Variants in TRPM7 observed in about 807,000 individuals in gnomAD.
The protein encoded by TRPM7 is LTRPC ion channel family member 7.
A neutral mutation model predicts 229.7 loss-of-function variants in TRPM7; 134 were observed. The observed-to-expected ratio is 0.58, with a 90% confidence interval of 0.51 to 0.67. The LOEUF is 0.67. Ranked by LOEUF, TRPM7 falls within the 30% of genes least tolerant of loss-of-function variation. The pLI, the probability that TRPM7 is intolerant of heterozygous loss-of-function variation, is 0.00. For missense variants in TRPM7, 1,901 were observed against 2,210.0 expected (o/e 0.86, Z 2.80); for synonymous variants, 699 against 715.2 (o/e 0.98, Z 0.36).
intron 26 of TRPM7, among the ~76,000 whole-genome samples, chr15:50,591,641 C>T (rs602908): frequency 0.075 from 11,436 of 152,116 alleles, 558 homozygotes; most frequent in South Asian, 0.12. Flanking sequence ...GGACTTCAGG[C>T]ACATGCCACT....
Position 50,645,077 on chromosome 15 carries a change from A to G in TRPM7, c.322-1524T>C, listed in dbSNP as rs373826116. 2.1e-4 allele frequency among the ~76,000 whole-genome samples: 32 copies of G among 151,734 alleles called. No homozygotes were observed. The Middle Eastern group carries it at 0.01, about 48-fold the overall frequency. ...GCACCCTGCGTAGCTAATTTTTTAAATATTTTTTGTAGACACAAGGTTTCA... is the reference window on the plus strand; with the variant it reads ...GCACCCTGCGTAGCTAATTTTTTAAGTATTTTTTGTAGACACAAGGTTTCA... On this transcript the variant is annotated intron_variant, in intron 4 of 38. Coordinates refer to ENST00000646667, the MANE Select transcript of TRPM7 (RefSeq NM_017672.6).
intron 1 of TRPM7, among the ~76,000 whole-genome samples, chr15:50,684,462 G>A (rs1034099369): frequency 7.2e-5 from 11 of 151,890 alleles, no homozygotes; most frequent in African/African-American, 2.4e-4. Context: ...CCAATATGAC[G>A]AAACCCCATC....
chr15:50,580,646 G>A (rs903490239), intron 30 of TRPM7, among the ~76,000 whole-genome samples: 8 of 152,256 alleles, frequency 5.3e-5, no homozygotes, highest in African/African-American at 1.9e-4. Context: ...GACCTTAGTA[G>A]AGTTGTAATT....
At position 50,619,796 on chromosome 15, in the gene TRPM7, T is replaced by C; in HGVS notation, c.1443A>G (p.Lys481=). Residue 481 remains lysine, a splice_region_variant and synonymous_variant, in exon 13 of 39, where the codon AAA becomes AAG. Coordinates refer to ENST00000646667, the MANE Select transcript of TRPM7 (RefSeq NM_017672.6). ...ACAGCATTGGATTAGTTGGACCTTGTTTCTTTAGGGAGAAAAAGTTACAGC... is the reference window on the plus strand; with the variant it reads ...ACAGCATTGGATTAGTTGGACCTTGCTTCTTTAGGGAGAAAAAGTTACAGC... The part of the protein sequence containing the change: ...IPRLEELYNT[K]QGPTNPMLFH... 1.2e-6 allele frequency: 2 copies of C among 1,602,530 alleles called. No homozygotes were observed. Among genetic ancestry groups the C allele is most frequent in the Non-Finnish European group, 8.5e-7 (1 of 1,176,780 alleles).
At chr15:50,679,098 T>C (rs1304870561) in intron 1 of TRPM7, among the ~76,000 whole-genome samples, 1 of 150,340 alleles carries the variant, frequency 6.7e-6, no homozygotes, top group Non-Finnish European at 1.5e-5. Context: ...GGTCTCGATC[T>C]CTTGACCTGG....
intron 1 of TRPM7, among the ~76,000 whole-genome samples, chr15:50,665,522 T>C (rs2061857376): frequency 6.6e-6 from 1 of 152,134 alleles, no homozygotes; most frequent in Non-Finnish European, 1.5e-5. Context: ...ATAAAAATTT[T>C]AAACCACCAA....
chr15:50,682,860 A>G (rs2062272306), intron 1 of TRPM7, among the ~76,000 whole-genome samples: 1 of 151,670 alleles, frequency 6.6e-6, no homozygotes, highest in African/African-American at 2.4e-5. Context: ...TATGTCCTAA[A>G]CTAACCTCAA....
intron 1 of TRPM7, among the ~76,000 whole-genome samples, chr15:50,665,535 T>C (rs1197555720): frequency 6.6e-6 from 1 of 152,048 alleles, no homozygotes; most frequent in African/African-American, 2.4e-5. Flanking sequence ...ACCACCAACA[T>C]TCAACACTTT....
intron 29 of TRPM7, among the ~76,000 whole-genome samples, chr15:50,581,896 T>C (rs1352145473): frequency 6.6e-6 from 1 of 152,194 alleles, no homozygotes; most frequent in Non-Finnish European, 1.5e-5. Flanking sequence ...TTTACTTTAA[T>C]CTGTTGCATT....
intron 25 of TRPM7, 103 bp from the exon 26 acceptor site, chr15:50,592,729 G>A (rs2059537775): frequency 5.3e-6 from 4 of 751,032 alleles, no homozygotes; most frequent in Non-Finnish European, 8.4e-6. Flanking sequence ...AATTTCACAT[G>A]CATTTAAACA....
At chr15:50,678,805 G>A (rs1025058120) in intron 1 of TRPM7, among the ~76,000 whole-genome samples, 2 of 152,078 alleles carry the variant, frequency 1.3e-5, no homozygotes, top group Non-Finnish European at 2.9e-5. Flanking sequence ...CAAGGCAAGA[G>A]GACCACTTAA....
At position 50,585,402 on chromosome 15, in the gene TRPM7, G is replaced by A. The variant is rs137873643; in HGVS notation, c.4486+990C>T. On this transcript the variant is annotated intron_variant, in intron 28 of 38. Transcript: ENST00000646667. ...CTTGCTTTACTGCTCTGGCTAGAAT[G>A]TAAAACAGAAACAGTAACAGTCAAA... is the stretch of plus-strand genomic sequence containing the variant. Among the ~76,000 whole-genome samples, 16 of 152,306 alleles carry A rather than the reference G, an allele frequency of 1.1e-4. No individual in the cohort carries two copies. The East Asian group carries it at 3.1e-3, about 29-fold the overall frequency.
At chr15:50,615,726 T>C (rs1158857533) in intron 13 of TRPM7, among the ~76,000 whole-genome samples, 2 of 151,996 alleles carry the variant, frequency 1.3e-5, no homozygotes, top group African/African-American at 4.8e-5. Context: ...AGAATCCCCA[T>C]CTCTACTAAA....
In TRPM7 at chr15:50,611,147, C is replaced by T. The variant is rs577500888; in HGVS notation, c.2226G>A (p.Leu742=). The T allele has an allele frequency of 2.0e-5, 33 of 1,613,878 alleles. No individual in the cohort carries two copies. Among genetic ancestry groups the T allele is most frequent in the South Asian group, 4.4e-5 (4 of 91,076 alleles). ...GCCTTCCCATCCACATATCAGATAA[C>T]AACATTTGTGTACAGGTGTGAGCTA... ...PFVAHTCTQM[L]LSDMWMGRLN... The change falls in exon 17 of 39, where the codon TTG becomes TTA. Residue 742 remains leucine, a synonymous_variant. Transcript: ENST00000646667.
chr15:50,664,095 C>A (rs2061813746), intron 1 of TRPM7, among the ~76,000 whole-genome samples: 1 of 151,966 alleles, frequency 6.6e-6, no homozygotes, highest in Non-Finnish European at 1.5e-5. Flanking sequence ...GTCAGAAGAC[C>A]AAGACCATCC....
intron 3 of TRPM7, among the ~76,000 whole-genome samples, chr15:50,649,503 C>A (rs542434310): frequency 3.3e-5 from 5 of 151,206 alleles, no homozygotes; most frequent in Non-Finnish European, 7.4e-5. Context: ...GTGAATGAAC[C>A]ACTAATAATA....
rs140540926 is a variant in TRPM7, at chr15:50,584,080, T to C, written c.4487-921A>G. 9.8e-5 allele frequency among the ~76,000 whole-genome samples: 15 copies of C among 152,336 alleles called. No individual in the cohort carries two copies. The East Asian group carries it at 2.7e-3, about 27-fold the overall frequency. The stretch of plus-strand genomic sequence containing the variant: ...TGATAATACCTTTGTTGTCATATCT[T>C]ATTTATCCGAAATGAACTTTAGAAT... On this transcript the variant is annotated intron_variant, in intron 28 of 38. Coordinates refer to ENST00000646667, the MANE Select transcript of TRPM7 (RefSeq NM_017672.6).
chr15:50,672,656 C>A (rs187810328), intron 1 of TRPM7, among the ~76,000 whole-genome samples: 1 of 151,512 alleles, frequency 6.6e-6, no homozygotes, highest in South Asian at 2.1e-4. Flanking sequence ...ACGCCTGTAA[C>A]CCCAGCACTT....
chr15:50,602,041 C>A (rs2059795143), intron 21 of TRPM7, among the ~76,000 whole-genome samples: 1 of 151,286 alleles, frequency 6.6e-6, no homozygotes, highest in East Asian at 1.9e-4. Flanking sequence ...GGGTATATAC[C>A]CAAAGGATTA....
Sources: allele counts gnomAD v4.1 joint callset (sites outside exome capture counted in the v4.1 genomes callset), GRCh38; gene constraint gnomAD v4.1.1; transcripts MANE v1.5; gene names NCBI Gene and HGNC (gene_info 2026-07-23, HGNC 2026-07-21).